GPBP1L1: variants seen among roughly 807,000 people sequenced by gnomAD.
GPBP1L1 encodes the protein GC-rich promoter binding protein 1 like 1.
Under a neutral mutation model 52.5 loss-of-function variants are expected in GPBP1L1, and 23 were observed. That is an observed-to-expected ratio of 0.44 (90% CI 0.32 to 0.62). GPBP1L1 has a LOEUF of 0.62. GPBP1L1 is among the 20% of genes least tolerant of loss of function. GPBP1L1 has a pLI of 0.06. For missense variants in GPBP1L1, 596 were observed against 579.3 expected (o/e 1.03, Z -0.30); for synonymous variants, 243 against 203.1 (o/e 1.20, Z -1.67).
In GPBP1L1 at chr1:45,661,064, G is replaced by T. The variant is rs1220887507; in HGVS notation, c.-936C>A. On this transcript the variant is annotated 5_prime_UTR_variant, in exon 3 of 13. It adds an upstream start codon to the 5' untranslated region. Coordinates refer to ENST00000355105, the MANE Select transcript of GPBP1L1 (RefSeq NM_021639.5). The stretch of plus-strand genomic sequence containing the variant: ...CCAAAATGAGGATTTCTTCTCTTCA[G>T]TTTTCTGTGTTTCACTTGTTCTGCT... 1 of 152,176 alleles carries T rather than the reference G, an allele frequency of 6.6e-6. No homozygotes were observed. The highest frequency in any genetic ancestry group is 1.5e-5 in the Non-Finnish European group (1 of 68,032). The allele number at this position is 152,176 out of a possible 1,614,324, so 9.4% of individuals were successfully genotyped here.
At chr1:45,646,579 C>T (rs1264189363) in intron 6 of GPBP1L1, among the ~76,000 whole-genome samples, 1 of 148,036 alleles carries the variant, frequency 6.8e-6, no homozygotes, top group African/African-American at 2.5e-5. Context: ...TTTTTTGAGA[C>T]GGAGTCTCAC....
At chr1:45,628,496 T>C in intron 12 of GPBP1L1, 88 bp from the exon 13 acceptor site, 1 of 1,280,472 alleles carries the variant, frequency 7.8e-7, no homozygotes, top group Non-Finnish European at 1.1e-6. Context: ...CAGGCCTCAA[T>C]TCAATTCTAG....
At chr1:45,672,512 A>G (rs758972855) in intron 2 of GPBP1L1, among the ~76,000 whole-genome samples, 1 of 147,292 alleles carries the variant, frequency 6.8e-6, no homozygotes, top group Non-Finnish European at 1.5e-5. Flanking sequence ...ACAAATAATG[A>G]GAGACAGAAG....
intron 2 of GPBP1L1, among the ~76,000 whole-genome samples, chr1:45,678,399 G>C (rs757014253): frequency 1.3e-5 from 2 of 152,136 alleles, no homozygotes; most frequent in African/African-American, 2.4e-5. Flanking sequence ...TTAGTTTCTT[G>C]TTCTAAGGGG....
At chr1:45,652,388 A>G (rs1644829206) in intron 6 of GPBP1L1, among the ~76,000 whole-genome samples, 1 of 152,202 alleles carries the variant, frequency 6.6e-6, no homozygotes, top group Non-Finnish European at 1.5e-5. Context: ...ATGTCACAGG[A>G]CTGATAATGA....
Position 45,627,380 on chromosome 1 carries a change from AAC to A in GPBP1L1, c.*874_*875del, listed in dbSNP as rs35016075. On this transcript the variant is annotated 3_prime_UTR_variant, in exon 13 of 13. Transcript: ENST00000355105. ...AAAAAAGTATCTGCTAAAATAGAGA[AAC>A]AGTTGTGTCTGAATTCACATTTCCC... 0.28 allele frequency: 42,021 copies of A among 152,436 alleles called. 5,904 individuals are homozygous for A. Among genetic ancestry groups the A allele is most frequent in the South Asian group, 0.35 (1,667 of 4,824 alleles). 9.4% of individuals were successfully genotyped at this position (152,436 alleles called of 1,614,324 possible).
At chr1:45,639,825 C>G (rs1644647404) in intron 8 of GPBP1L1, among the ~76,000 whole-genome samples, 1 of 151,970 alleles carries the variant, frequency 6.6e-6, no homozygotes, top group Admixed American at 6.5e-5. Context: ...TTGCAGTGAG[C>G]TGAGATCGTG....
intron 2 of GPBP1L1, among the ~76,000 whole-genome samples, chr1:45,685,270 A>G (rs768510171): frequency 1.3e-5 from 2 of 152,256 alleles, no homozygotes; most frequent in African/African-American, 2.4e-5. Context: ...AATTACAAAT[A>G]TAAGTCTAAT....
rs147929822 is a variant in GPBP1L1, at chr1:45,633,498, C to T, written c.1035G>A (p.Lys345=). The change falls in exon 10 of 13, where the codon AAG becomes AAA. Residue 345 remains lysine, a synonymous_variant. Transcript: ENST00000355105. ...GDFSENRDCD[K]LEDLEDNSTP... Reference sequence around the variant, plus strand: ...AGGCGGATGCTCTTACATCTTCCAGCTTGTCACAGTCTCTATTCTCTGAGA... The same window carrying T: ...AGGCGGATGCTCTTACATCTTCCAGTTTGTCACAGTCTCTATTCTCTGAGA... 1.7e-5 allele frequency: 28 copies of T among 1,613,836 alleles called. No homozygotes were observed. The African/African-American group carries it at 3.2e-4, about 18-fold the overall frequency.
chr1:45,633,714 A>G, intron 9 of GPBP1L1, 67 bp from the exon 10 acceptor site: 1 of 1,492,830 alleles, frequency 6.7e-7, no homozygotes, highest in Non-Finnish European at 9.2e-7. Context: ...CTCTTCTACT[A>G]AGTGCTGACT....
chr1:45,670,305 G>A (rs755557357), intron 2 of GPBP1L1, among the ~76,000 whole-genome samples: 27 of 151,978 alleles, frequency 1.8e-4, no homozygotes, highest in Non-Finnish European at 2.8e-4. Flanking sequence ...TCTTCTTTTG[G>A]TTGTTGATCT....
chr1:45,643,285 T>C (rs1644696896), intron 6 of GPBP1L1, among the ~76,000 whole-genome samples: 2 of 152,194 alleles, frequency 1.3e-5, no homozygotes, highest in Non-Finnish European at 2.9e-5. Context: ...GGGACCCTTC[T>C]GTGGGGAAAG....
At chr1:45,640,799 C>G (rs1644661974) in intron 7 of GPBP1L1, among the ~76,000 whole-genome samples, 1 of 152,058 alleles carries the variant, frequency 6.6e-6, no homozygotes, top group Non-Finnish European at 1.5e-5. Context: ...ACTTGAGTCC[C>G]AAGAGTTCGA....
intron 2 of GPBP1L1, among the ~76,000 whole-genome samples, chr1:45,678,337 C>T (rs561859794): frequency 5.1e-4 from 77 of 152,260 alleles, no homozygotes; most frequent in African/African-American, 1.7e-3. Flanking sequence ...TTAAGACCAA[C>T]GATTGATACG....
At chr1:45,661,846 AAAT>A (rs1413958152) in intron 2 of GPBP1L1, among the ~76,000 whole-genome samples, 1 of 152,138 alleles carries the variant, frequency 6.6e-6, no homozygotes, top group Non-Finnish European at 1.5e-5. Context: ...CAGAAATGCA[AAAT>A]AATAGGTCTT....
chr1:45,677,486 T>C (rs1321868737), intron 2 of GPBP1L1, among the ~76,000 whole-genome samples: 1 of 152,044 alleles, frequency 6.6e-6, no homozygotes, highest in Non-Finnish European at 1.5e-5. Context: ...TGTGCTACAG[T>C]GTGAGACCCT....
rs114403684 is a variant in GPBP1L1 at position 45,653,424 on chromosome 1, T to G, written c.477+1119A>C. Among the ~76,000 whole-genome samples, 460 of 152,246 alleles carry G rather than the reference T, an allele frequency of 3.0e-3. 4 individuals are homozygous for G. Among genetic ancestry groups the G allele is most frequent in the East Asian group, 0.022 (116 of 5,176 alleles). ...TGGCATGAATGCAGTGGGGCAATCA[T>G]AGCTCACTGCAGCCTCAAACTCCTG... On this transcript the variant is annotated intron_variant, in intron 6 of 12. Coordinates refer to ENST00000355105, the MANE Select transcript of GPBP1L1 (RefSeq NM_021639.5).
At chr1:45,647,166 A>ATCTTT (rs1644759023) in intron 6 of GPBP1L1, among the ~76,000 whole-genome samples, 1 of 112,650 alleles carries the variant, frequency 8.9e-6, no homozygotes, top group Non-Finnish European at 1.8e-5. Flanking sequence ...ACTTCTTAGG[A>ATCTTT]TTTTTTTTTT....
At chr1:45,651,597 G>A (rs1644820180) in intron 6 of GPBP1L1, 1 of 667,794 alleles carries the variant, frequency 1.5e-6, no homozygotes, top group South Asian at 1.5e-5. Context: ...TTAATCGCAG[G>A]AGGCATTTTC....
Sources: allele counts gnomAD v4.1 joint callset (sites outside exome capture counted in the v4.1 genomes callset), GRCh38; gene constraint gnomAD v4.1.1; transcripts MANE v1.5; gene names NCBI Gene and HGNC (gene_info 2026-07-23, HGNC 2026-07-21).